Variants in SPRED1 observed in about 807,000 individuals in gnomAD.
SPRED1 encodes the protein sprouty-related, EVH1 domain-containing protein 1.
Under a neutral mutation model 52.3 loss-of-function variants are expected in SPRED1, and 18 were observed. The observed-to-expected ratio is 0.34, with a 90% CI of 0.24 to 0.51. The LOEUF is 0.51. Among genes scored for constraint, SPRED1 ranks in the 20% least tolerant of loss-of-function variants. The pLI is 0.97. For synonymous variants in SPRED1, 155 were observed against 179.7 expected, an observed-to-expected ratio of 0.86 and a Z score of 1.10; for missense variants, 485 against 551.0, an observed-to-expected ratio of 0.88 and a Z score of 1.20.
At chr15:38,325,150 T>C (rs1005522513) in intron 4 of SPRED1, among the ~76,000 whole-genome samples, 48 of 152,126 alleles carry the variant, frequency 3.2e-4, no homozygotes, top group African/African-American at 1.2e-3. Context: ...CCGAAACTTT[T>C]TGAGTATGGA....
chr15:38,337,002 C>T (rs555367253), intron 4 of SPRED1, among the ~76,000 whole-genome samples: 1 of 152,204 alleles, frequency 6.6e-6, no homozygotes, highest in Admixed American at 6.5e-5. Flanking sequence ...AAGCTTTTTC[C>T]ATTTTAGTAC....
intron 1 of SPRED1, among the ~76,000 whole-genome samples, chr15:38,286,664 A>G (rs1894817645): frequency 6.6e-6 from 1 of 151,878 alleles, no homozygotes; most frequent in African/African-American, 2.4e-5. Context: ...ATTACATATT[A>G]TTAATTGAGC....
At chr15:38,297,999 A>G (rs1566859283) in intron 1 of SPRED1, among the ~76,000 whole-genome samples, 1 of 152,348 alleles carries the variant, frequency 6.6e-6, no homozygotes, top group East Asian at 1.9e-4. Flanking sequence ...ACTTATGTCC[A>G]GAATATATTT....
chr15:38,355,604 T>G lies in SPRED1; in HGVS notation c.*3940T>G, dbSNP rs1888601240. 1 of 152,218 alleles carries G rather than the reference T, an allele frequency of 6.6e-6. No homozygotes were observed. The highest frequency in any genetic ancestry group is 2.1e-4 in the South Asian group (1 of 4,824). The allele number at this position is 152,218 out of a possible 1,614,324, so 9.4% of individuals were successfully genotyped here. ...TTTACATTCGATTTTGTGATTACAC[T>G]TGGAAGTATGTGTTAAATTGGGTTT... On this transcript the variant is annotated 3_prime_UTR_variant, in exon 7 of 7. Coordinates refer to ENST00000299084, the MANE Select transcript of SPRED1 (RefSeq NM_152594.3).
chr15:38,258,865 T>A (rs1894153899), intron 1 of SPRED1, among the ~76,000 whole-genome samples: 1 of 152,210 alleles, frequency 6.6e-6, no homozygotes, highest in Non-Finnish European at 1.5e-5. Context: ...TGGTATAGTC[T>A]AAAGAACACT....
chr15:38,353,954 T>A lies in SPRED1; in HGVS notation c.*2290T>A, dbSNP rs1280120242. 5 of 152,764 alleles carry A rather than the reference T, an allele frequency of 3.3e-5. No individual in the cohort carries two copies. The highest frequency in any genetic ancestry group is 6.5e-5 in the Admixed American group (1 of 15,298). 9.5% of individuals were successfully genotyped at this position (152,764 alleles called of 1,614,324 possible). On this transcript the variant is annotated 3_prime_UTR_variant, in exon 7 of 7. Transcript: ENST00000299084. The stretch of plus-strand genomic sequence containing the variant: ...ATGTTTGTGCATTAATATTTTCAAT[T>A]TGTTTAACCACTTTGCTGCTAAGAT...
chr15:38,301,085 A>C (rs1358789282), intron 2 of SPRED1, among the ~76,000 whole-genome samples: 2 of 152,184 alleles, frequency 1.3e-5, no homozygotes, highest in Non-Finnish European at 2.9e-5. Flanking sequence ...AGGATGATCT[A>C]GATGTGAAAT....
rs540359314 is a variant in SPRED1, at chr15:38,308,726, A to G, written c.207+9179A>G. Reference sequence around the variant, plus strand: ...TCTGTGATATGTATTTATATGACTTACTGAAGGACATCTTGGCTGTTTCCA... The same window carrying G: ...TCTGTGATATGTATTTATATGACTTGCTGAAGGACATCTTGGCTGTTTCCA... On this transcript the variant is annotated intron_variant, in intron 2 of 6. Transcript: ENST00000299084. 1.1e-3 allele frequency among the ~76,000 whole-genome samples: 160 copies of G among 152,300 alleles called. No homozygotes were observed. In the Middle Eastern group the frequency reaches 0.027, roughly 26 times the overall value.
At position 38,253,171 on chromosome 15, in the gene SPRED1, C is replaced by A; in HGVS notation, c.-15C>A. 1 of 1,576,838 alleles carries A rather than the reference C, an allele frequency of 6.3e-7. No individual in the cohort carries two copies. The highest frequency in any genetic ancestry group is 1.3e-5 in the African/African-American group (1 of 74,194). Reference sequence around the variant, plus strand: ...TTGCTCCTCCATCTCCAGATCGGATCACGGTGAGGGAAAGATGAGCGAGGA... The same window carrying A: ...TTGCTCCTCCATCTCCAGATCGGATAACGGTGAGGGAAAGATGAGCGAGGA... On this transcript the variant is annotated 5_prime_UTR_variant, in exon 1 of 7. An upstream open reading frame in the 5' UTR gains an earlier in-frame stop. Coordinates refer to ENST00000299084, the MANE Select transcript of SPRED1 (RefSeq NM_152594.3).
At chr15:38,331,498 C>G (rs1895806201) in intron 4 of SPRED1, among the ~76,000 whole-genome samples, 1 of 151,998 alleles carries the variant, frequency 6.6e-6, no homozygotes, top group East Asian at 1.9e-4. Context: ...CAATCATATC[C>G]AAATTAAGAA....
intron 2 of SPRED1, among the ~76,000 whole-genome samples, chr15:38,321,197 A>G (rs1315002116): frequency 6.6e-6 from 1 of 152,212 alleles, no homozygotes; most frequent in Non-Finnish European, 1.5e-5. Context: ...TTAAATGTTT[A>G]TACATGGATA....
At chr15:38,319,833 T>C (rs889279608) in intron 2 of SPRED1, among the ~76,000 whole-genome samples, 3 of 152,242 alleles carry the variant, frequency 2.0e-5, no homozygotes. Context: ...AGAATTATTA[T>C]ATTCAGTGGT....
chr15:38,340,949 T>A (rs1896015953), intron 5 of SPRED1, among the ~76,000 whole-genome samples: 1 of 151,672 alleles, frequency 6.6e-6, no homozygotes, highest in African/African-American at 2.4e-5. Context: ...GTTATTTCTT[T>A]CTTAAATGTT....
At chr15:38,302,199 T>C (rs1895160828) in intron 2 of SPRED1, among the ~76,000 whole-genome samples, 1 of 152,086 alleles carries the variant, frequency 6.6e-6, no homozygotes, top group Non-Finnish European at 1.5e-5. Context: ...GGCTAATAAA[T>C]ACAATATTTT....
chr15:38,315,378 T>C (rs1457885503), intron 2 of SPRED1, among the ~76,000 whole-genome samples: 2 of 151,936 alleles, frequency 1.3e-5, no homozygotes, highest in African/African-American at 4.8e-5. Flanking sequence ...ATATATTTAA[T>C]TGTACTCTCT....
intron 4 of SPRED1, among the ~76,000 whole-genome samples, chr15:38,330,733 T>C (rs768636600): frequency 1.3e-5 from 2 of 152,150 alleles, no homozygotes; most frequent in African/African-American, 2.4e-5. Context: ...TAAAAACTTA[T>C]TTTAGTAGTA....
At chr15:38,265,665 G>A (rs1291365526) in intron 1 of SPRED1, among the ~76,000 whole-genome samples, 2 of 151,680 alleles carry the variant, frequency 1.3e-5, no homozygotes, top group Non-Finnish European at 2.9e-5. Flanking sequence ...TATAAAAGGA[G>A]TATATTTCTA....
intron 1 of SPRED1, among the ~76,000 whole-genome samples, chr15:38,293,984 G>C (rs1894980118): frequency 6.6e-6 from 1 of 152,130 alleles, no homozygotes; most frequent in African/African-American, 2.4e-5. Context: ...TCTACAGGGA[G>C]AGGATCATAA....
chr15:38,281,489 C>T (rs1894686548), intron 1 of SPRED1, among the ~76,000 whole-genome samples: 1 of 151,774 alleles, frequency 6.6e-6, no homozygotes, highest in African/African-American at 2.4e-5. Flanking sequence ...AACTCCTGGG[C>T]TCAAGCGATT....
Sources: allele counts gnomAD v4.1 joint callset (sites outside exome capture counted in the v4.1 genomes callset), GRCh38; gene constraint gnomAD v4.1.1; transcripts MANE v1.5; gene names NCBI Gene and HGNC (gene_info 2026-07-23, HGNC 2026-07-21).